Variants in FUT9 observed in about 807,000 individuals in gnomAD.
The protein encoded by FUT9 is fucosyltransferase 9.
In FUT9, 15 loss-of-function variants were observed where a neutral mutation model predicts 29.7. The observed-to-expected ratio is 0.51, with a 90% CI of 0.34 to 0.78. The LOEUF (loss-of-function observed/expected upper bound fraction) is 0.78. Among genes scored for constraint, FUT9 ranks in the 30% least tolerant of loss-of-function variants. FUT9 has a pLI of 0.01. For missense variants in FUT9, 319 were observed against 425.4 expected (o/e 0.75, Z 2.20); for synonymous variants, 169 against 153.7 (o/e 1.10, Z -0.74).
At chr6:96,118,112 G>A (rs1771945849) in intron 2 of FUT9, among the ~76,000 whole-genome samples, 1 of 151,910 alleles carries the variant, frequency 6.6e-6, no homozygotes, top group Non-Finnish European at 1.5e-5. Flanking sequence ...GGCTGAGGCA[G>A]GAGAATCGCT....
At chr6:96,091,772 C>T (rs1442872228) in intron 1 of FUT9, among the ~76,000 whole-genome samples, 2 of 151,990 alleles carry the variant, frequency 1.3e-5, no homozygotes, top group Non-Finnish European at 2.9e-5. Context: ...GCTGCAATCT[C>T]CTCATCAATT....
rs1302747664 is a variant in FUT9, at chr6:96,035,720, A to C, written c.-98+19508A>C. 3.6e-5 allele frequency among the ~76,000 whole-genome samples: 5 copies of C among 138,266 alleles called. No individual in the cohort carries two copies. The East Asian group carries it at 1.0e-3, about 28-fold the overall frequency. 90.7% of individuals were successfully genotyped at this position (138,266 alleles called of 152,430 possible). On this transcript the variant is annotated intron_variant, in intron 1 of 2. Coordinates refer to ENST00000302103, the MANE Select transcript of FUT9 (RefSeq NM_006581.4). Reference sequence around the variant, plus strand: ...ACTAATAAATATAATTTATTATACTAATAAATATAACATATTTATTATACT... The same window carrying C: ...ACTAATAAATATAATTTATTATACTCATAAATATAACATATTTATTATACT...
intron 2 of FUT9, among the ~76,000 whole-genome samples, chr6:96,185,492 G>A (rs1773389360): frequency 6.6e-6 from 1 of 152,090 alleles, no homozygotes; most frequent in Admixed American, 6.6e-5. Flanking sequence ...GAGGAGCAAT[G>A]TGTGGGAAGA....
chr6:96,087,212 T>C (rs1771330610), intron 1 of FUT9, among the ~76,000 whole-genome samples: 1 of 152,176 alleles, frequency 6.6e-6, no homozygotes, highest in African/African-American at 2.4e-5. Context: ...TTTATCTCTA[T>C]TATTGGCTTA....
At chr6:96,111,645 T>C (rs896936372) in intron 1 of FUT9, among the ~76,000 whole-genome samples, 1 of 152,078 alleles carries the variant, frequency 6.6e-6, no homozygotes, top group African/African-American at 2.4e-5. Flanking sequence ...CATTATTTGC[T>C]CTCATTCTAG....
intron 1 of FUT9, among the ~76,000 whole-genome samples, chr6:96,100,230 AACACACACACACAC>A (rs36064811): frequency 0.024 from 3,555 of 148,862 alleles, 57 homozygotes; most frequent in South Asian, 0.038. Context: ...CACACACACC[AACACACACACACAC>A]ACACACACAC....
chr6:96,042,731 T>C lies in FUT9; in HGVS notation c.-98+26519T>C, dbSNP rs181188650. Among the ~76,000 whole-genome samples the C allele has an allele frequency of 7.6e-3, 1,157 of 152,292 alleles. 8 individuals carry two copies. The highest frequency in any genetic ancestry group is 0.011 in the Non-Finnish European group (715 of 68,022). On this transcript the variant is annotated intron_variant, in intron 1 of 2. Transcript: ENST00000302103. ...CTTGTATTAGCCCGTTGGGTTTAAG[T>C]GTATTAGTCCATTGAGTTTTATAGA...
chr6:96,062,800 G>T (rs890027599), intron 1 of FUT9, among the ~76,000 whole-genome samples: 3 of 151,924 alleles, frequency 2.0e-5, no homozygotes, highest in African/African-American at 4.8e-5. Flanking sequence ...TGTAAAAAAA[G>T]AAAATCTTAA....
Position 96,018,309 on chromosome 6 carries a change from A to G in FUT9, c.-98+2097A>G, listed in dbSNP as rs931510084. Among the ~76,000 whole-genome samples, 3 of 152,176 alleles carry G rather than the reference A, an allele frequency of 2.0e-5. No individual in the cohort carries two copies. In the East Asian group the frequency reaches 5.8e-4, roughly 29 times the overall value. On this transcript the variant is annotated intron_variant, in intron 1 of 2. Transcript: ENST00000302103. ...ATACTTTGATCAGTTATTGCCCATA[A>G]TTATGTTAATGATAAATTAAAGTCA... is the stretch of plus-strand genomic sequence containing the variant.
At chr6:96,169,608 T>G (rs1252685901) in intron 2 of FUT9, among the ~76,000 whole-genome samples, 1 of 152,152 alleles carries the variant, frequency 6.6e-6, no homozygotes, top group Non-Finnish European at 1.5e-5. Flanking sequence ...ATTGGTGATG[T>G]GTATAATCAT....
intron 1 of FUT9, among the ~76,000 whole-genome samples, chr6:96,025,282 A>AACT (rs772020038): frequency 6.6e-6 from 1 of 151,710 alleles, no homozygotes; most frequent in Non-Finnish European, 1.5e-5. Flanking sequence ...TCAGACAAGG[A>AACT]ACTCGTTCCA....
intron 2 of FUT9, among the ~76,000 whole-genome samples, chr6:96,120,471 G>A (rs1488314952): frequency 6.7e-6 from 1 of 150,028 alleles, no homozygotes; most frequent in Non-Finnish European, 1.5e-5. Context: ...TTTTAGTAGA[G>A]ACGGGGTTTC....
chr6:96,202,654 AC>A (rs1773746303), intron 2 of FUT9, among the ~76,000 whole-genome samples: 1 of 152,160 alleles, frequency 6.6e-6, no homozygotes, highest in Non-Finnish European at 1.5e-5. Flanking sequence ...AACGAGAAAA[AC>A]AAAAACATAA....
intron 1 of FUT9, among the ~76,000 whole-genome samples, chr6:96,056,583 A>G (rs1163117248): frequency 2.0e-5 from 3 of 152,210 alleles, no homozygotes; most frequent in East Asian, 3.9e-4. Context: ...TATACCTAGT[A>G]TCCAACAAAA....
intron 1 of FUT9, among the ~76,000 whole-genome samples, chr6:96,067,520 C>T (rs1770984790): frequency 6.6e-6 from 1 of 152,054 alleles, no homozygotes; most frequent in Admixed American, 6.6e-5. Context: ...GTCTTTGCTA[C>T]ACTTTAAATA....
At chr6:96,146,596 C>A (rs1012188627) in intron 2 of FUT9, among the ~76,000 whole-genome samples, 4 of 152,088 alleles carry the variant, frequency 2.6e-5, no homozygotes, top group African/African-American at 9.7e-5. Flanking sequence ...CTTTTTAGAA[C>A]TACATTTAAA....
intron 1 of FUT9, among the ~76,000 whole-genome samples, chr6:96,067,975 T>C (rs1770992019): frequency 6.6e-6 from 1 of 152,166 alleles, no homozygotes; most frequent in Admixed American, 6.5e-5. Flanking sequence ...GAATGAATGT[T>C]TCTTTTTTAT....
At chr6:96,031,077 C>T (rs1156256945) in intron 1 of FUT9, among the ~76,000 whole-genome samples, 1 of 151,318 alleles carries the variant, frequency 6.6e-6, no homozygotes, top group Non-Finnish European at 1.5e-5. Context: ...AATCTGTTTG[C>T]AAATCATATT....
At chr6:96,088,063 G>A (rs935247411) in intron 1 of FUT9, among the ~76,000 whole-genome samples, 5 of 151,600 alleles carry the variant, frequency 3.3e-5, no homozygotes, top group African/African-American at 1.2e-4. Context: ...TGAGAAATAT[G>A]CTGTCATTCT....
Sources: allele counts gnomAD v4.1 joint callset (sites outside exome capture counted in the v4.1 genomes callset), GRCh38; gene constraint gnomAD v4.1.1; transcripts MANE v1.5; gene names NCBI Gene and HGNC (gene_info 2026-07-23, HGNC 2026-07-21).